LRP1B: variants seen among roughly 807,000 people sequenced by gnomAD.
The protein encoded by LRP1B is low-density lipoprotein receptor-related protein 1B.
In LRP1B, 217 loss-of-function variants were observed where a neutral mutation model predicts 556.6. That is an observed-to-expected ratio of 0.39 (90% CI 0.35 to 0.44). LRP1B has a LOEUF of 0.44. LRP1B is among the 20% of genes least tolerant of loss of function. The probability of loss-of-function intolerance (pLI) is 1.00; values close to 1 mark genes in which losing one functional copy is unlikely to be tolerated. For synonymous variants in LRP1B, 2,047 were observed against 1,865.8 expected (o/e 1.10, Z -2.50); for missense variants, 5,053 against 5,620.8 (o/e 0.90, Z 3.23).
chr2:140,466,625 G>A (rs947246478), intron 60 of LRP1B, among the ~76,000 whole-genome samples: 2 of 152,090 alleles, frequency 1.3e-5, no homozygotes, highest in Non-Finnish European at 1.5e-5. Context: ...AACTATTACT[G>A]TTCAGAGAAA....
intron 1 of LRP1B, among the ~76,000 whole-genome samples, chr2:142,121,460 A>G (rs1234740937): frequency 6.6e-6 from 1 of 152,122 alleles, no homozygotes; most frequent in Non-Finnish European, 1.5e-5. Flanking sequence ...CACACAGTTT[A>G]TTTCAGACAA....
chr2:140,974,304 T>C (rs976307170), intron 18 of LRP1B, among the ~76,000 whole-genome samples: 13 of 152,216 alleles, frequency 8.5e-5, no homozygotes, highest in Admixed American at 6.5e-5. Flanking sequence ...GGAACAGTTT[T>C]AGAAGAATTC....
rs566617995 is a variant in LRP1B, at chr2:140,549,887, C to T, written c.7195-7916G>A. ...TTTTTTTTTTCAATACTTTAAGTTCCGGGGTACATGTGCAGAACGTGCAGT... is the reference window on the plus strand; with the variant it reads ...TTTTTTTTTTCAATACTTTAAGTTCTGGGGTACATGTGCAGAACGTGCAGT... On this transcript the variant is annotated intron_variant, in intron 43 of 90. Transcript: ENST00000389484. Among the ~76,000 whole-genome samples the T allele has an allele frequency of 1.3e-4, 20 of 151,910 alleles. No individual in the cohort carries two copies. In the South Asian group the frequency reaches 3.5e-3, roughly 27 times the overall value.
chr2:141,536,465 T>C (rs1226944082), intron 2 of LRP1B, among the ~76,000 whole-genome samples: 1 of 152,034 alleles, frequency 6.6e-6, no homozygotes, highest in African/African-American at 2.4e-5. Context: ...CATCCTAATA[T>C]AGAATCAATT....
At chr2:141,576,624 C>T (rs1686757109) in intron 2 of LRP1B, among the ~76,000 whole-genome samples, 4 of 151,698 alleles carry the variant, frequency 2.6e-5, no homozygotes, top group Non-Finnish European at 5.9e-5. Context: ...TTTAGTTGTA[C>T]ATGCCTATGG....
chr2:140,376,298 T>G (rs1242340781), intron 68 of LRP1B, among the ~76,000 whole-genome samples: 3 of 152,184 alleles, frequency 2.0e-5, no homozygotes, highest in Non-Finnish European at 2.9e-5. Context: ...TAGTATTTGA[T>G]TTCGCATATG....
chr2:140,877,447 G>C (rs750011132), intron 25 of LRP1B, among the ~76,000 whole-genome samples: 2 of 152,106 alleles, frequency 1.3e-5, no homozygotes, highest in African/African-American at 2.4e-5. Context: ...AGAGACTCAT[G>C]TTCTTCTAAA....
At chr2:142,021,299 T>A (rs932469270) in intron 1 of LRP1B, among the ~76,000 whole-genome samples, 2 of 151,636 alleles carry the variant, frequency 1.3e-5, no homozygotes, top group African/African-American at 4.8e-5. Flanking sequence ...TTAAAAAATC[T>A]TCCTCTGTGT....
chr2:141,282,855 T>A (rs1685560339), intron 3 of LRP1B, among the ~76,000 whole-genome samples: 1 of 152,162 alleles, frequency 6.6e-6, no homozygotes, highest in South Asian at 2.1e-4. Flanking sequence ...AGTAGAAATG[T>A]CTTACGGGTG....
At chr2:140,440,515 CCCAGGGAGTTTTA>C (rs1665962088) in intron 66 of LRP1B, among the ~76,000 whole-genome samples, 2 of 152,138 alleles carry the variant, frequency 1.3e-5, no homozygotes, top group Admixed American at 6.6e-5. Context: ...GGAGAATCAT[CCCAGGGAGTTTTA>C]AAATAATTAG....
At position 141,254,583 on chromosome 2, in the gene LRP1B, A is replaced by C. The variant is rs774311130; in HGVS notation, c.402T>G (p.Asn134Lys). The C allele has an allele frequency of 9.9e-6, 16 of 1,611,726 alleles. No individual in the cohort carries two copies. The highest frequency in any genetic ancestry group is 1.4e-5 in the Non-Finnish European group (16 of 1,178,448). ...CATCCTCACAGTAACATCTTGTACT[A>C]TTTCTGACCATTGTACATTTATACT... ...NCQYKCTMVR[N>K]STRCYCEDGF... Residue 134 changes from asparagine (N) to lysine (K), a missense_variant, in exon 4 of 91, where the codon AAT (asparagine) becomes AAG (lysine). Transcript: ENST00000389484.
intron 66 of LRP1B, among the ~76,000 whole-genome samples, chr2:140,424,606 G>T (rs1273189149): frequency 6.6e-6 from 1 of 152,232 alleles, no homozygotes; most frequent in Non-Finnish European, 1.5e-5. Context: ...TTGGAATGTT[G>T]CAGGGAGTGG....
At chr2:141,248,997 T>C (rs1035137609) in intron 4 of LRP1B, among the ~76,000 whole-genome samples, 2 of 152,098 alleles carry the variant, frequency 1.3e-5, no homozygotes, top group Non-Finnish European at 2.9e-5. Context: ...AATTTTGAAA[T>C]AGAGGATGTA....
At chr2:142,059,395 C>T (rs1438946639) in intron 1 of LRP1B, among the ~76,000 whole-genome samples, 1 of 152,018 alleles carries the variant, frequency 6.6e-6, no homozygotes, top group Non-Finnish European at 1.5e-5. Flanking sequence ...TTCCTTATAT[C>T]CACATCCTAT....
chr2:141,237,254 G>A (rs1163149834), intron 5 of LRP1B, among the ~76,000 whole-genome samples: 2 of 151,648 alleles, frequency 1.3e-5, no homozygotes, highest in Non-Finnish European at 2.9e-5. Flanking sequence ...AGAGAAGAAA[G>A]TAGAATCAGT....
intron 86 of LRP1B, among the ~76,000 whole-genome samples, chr2:140,248,504 T>C: frequency 6.6e-6 from 1 of 151,792 alleles, no homozygotes; most frequent in Middle Eastern, 3.4e-3. Context: ...TATAATTTTC[T>C]ATACATCATG....
chr2:141,517,289 C>CACACACACACA, intron 2 of LRP1B, among the ~76,000 whole-genome samples: 1 of 151,880 alleles, frequency 6.6e-6, no homozygotes, highest in South Asian at 2.1e-4. Context: ...CACACACACA[C>CACACACACACA]CTTAAAATGG....
At chr2:142,047,742 C>T (rs1463513402) in intron 1 of LRP1B, among the ~76,000 whole-genome samples, 12 of 151,758 alleles carry the variant, frequency 7.9e-5, no homozygotes, top group Admixed American at 7.2e-4. Context: ...AAAAAAGGCC[C>T]TTAAACACAT....
intron 70 of LRP1B, 64 bp downstream of exon 70, chr2:140,371,115 T>A: frequency 1.8e-6 from 2 of 1,084,566 alleles, no homozygotes; most frequent in South Asian, 3.3e-5. Flanking sequence ...TTATTTTCAT[T>A]ACATTTGTTT....
Sources: gnomAD v4.1 joint callset for allele counts (sites outside exome capture counted in the v4.1 genomes callset) on GRCh38, gnomAD v4.1.1 for gene constraint, MANE v1.5 for transcripts, NCBI Gene and HGNC (gene_info 2026-07-23, HGNC 2026-07-21) for gene names.